The following HCLS1 variants were observed in gnomAD, a reference collection of about 807,000 sequenced individuals.
HCLS1 encodes the protein hematopoietic cell-specific Lyn substrate 1.
HCLS1 carries 44 observed loss-of-function variants against 68.6 expected under a neutral mutation model. The observed-to-expected ratio is 0.64, with a 90% confidence interval of 0.50 to 0.82. The LOEUF (loss-of-function observed/expected upper bound fraction) is 0.82, where lower values mean the gene tolerates loss of function less well. HCLS1 is among the 40% of genes least tolerant of loss of function. HCLS1 has a pLI of 0.00. For missense variants in HCLS1, 602 were observed against 612.1 expected, an observed-to-expected ratio of 0.98 and a Z score of 0.17; for synonymous variants, 217 against 225.8, an observed-to-expected ratio of 0.96 and a Z score of 0.35.
chr3:121,651,799 A>G (rs1937756797), intron 3 of HCLS1, among the ~76,000 whole-genome samples: 1 of 152,248 alleles, frequency 6.6e-6, no homozygotes, highest in African/African-American at 2.4e-5. Flanking sequence ...GTAGGAATGA[A>G]AGAGGGTAAA....
chr3:121,651,548 T>G (rs1051347897), intron 3 of HCLS1, among the ~76,000 whole-genome samples: 2 of 152,176 alleles, frequency 1.3e-5, no homozygotes, highest in African/African-American at 4.8e-5. Context: ...GTGCTTCTCC[T>G]GCCTCAGCCT....
intron 3 of HCLS1, among the ~76,000 whole-genome samples, chr3:121,651,577 C>G (rs1334646597): frequency 2.6e-5 from 4 of 152,086 alleles, no homozygotes; most frequent in Non-Finnish European, 5.9e-5. Context: ...GCTCAGACCA[C>G]AGCCAGCCAA....
intron 11 of HCLS1, among the ~76,000 whole-genome samples, 155 bp downstream of exon 11, chr3:121,632,912 C>T (rs2049113995): frequency 6.6e-6 from 1 of 152,142 alleles, no homozygotes; most frequent in African/African-American, 2.4e-5. Flanking sequence ...TACTAGTTTG[C>T]CCAGGACAGA....
intron 3 of HCLS1, chr3:121,656,179 G>A (rs541098308): frequency 1.3e-5 from 2 of 152,198 alleles, no homozygotes; most frequent in South Asian, 4.1e-4. Context: ...AAACAATGTG[G>A]TATTGTCATC....
intron 4 of HCLS1, 47 bp downstream of exon 4, chr3:121,647,272 C>A (rs1163994779): frequency 1.2e-6 from 2 of 1,604,560 alleles, no homozygotes; most frequent in Admixed American, 1.7e-5. Context: ...TGAGCCACCG[C>A]ACCCGGCTTG....
chr3:121,635,188 C>CTCTTTCTTTCTTT (rs1252824198), intron 9 of HCLS1, among the ~76,000 whole-genome samples: 2 of 151,692 alleles, frequency 1.3e-5, no homozygotes, highest in Non-Finnish European at 2.9e-5. Flanking sequence ...TTGACTTTCT[C>CTCTTTCTTTCTTT]TCTTTCTTTC....
At chr3:121,633,952 T>A (rs562410902) in intron 10 of HCLS1, among the ~76,000 whole-genome samples, 10 of 152,234 alleles carry the variant, frequency 6.6e-5, no homozygotes, top group Non-Finnish European at 1.5e-4. Context: ...TTCCTCATAG[T>A]TCCTACAGCA....
chr3:121,646,410 A>ATAAT, intron 4 of HCLS1, among the ~76,000 whole-genome samples: 1 of 91,734 alleles, frequency 1.1e-5, no homozygotes, highest in African/African-American at 4.3e-5. Flanking sequence ...TATATTACAT[A>ATAAT]GTAATAATAT....
chr3:121,632,995 C>A, intron 11 of HCLS1, 72 bp downstream of exon 11: 2 of 1,064,146 alleles, frequency 1.9e-6, no homozygotes, highest in South Asian at 1.4e-5. Flanking sequence ...TGGTTGGCCA[C>A]CCTGCACAGC....
intron 6 of HCLS1, among the ~76,000 whole-genome samples, chr3:121,641,129 A>G (rs1395183358): frequency 6.6e-6 from 1 of 152,168 alleles, no homozygotes; most frequent in Non-Finnish European, 1.5e-5. Flanking sequence ...CATATAGGAT[A>G]ATAAAAGTAG....
intron 3 of HCLS1, among the ~76,000 whole-genome samples, chr3:121,653,098 A>G (rs1937786444): frequency 6.6e-6 from 1 of 152,190 alleles, no homozygotes; most frequent in Non-Finnish European, 1.5e-5. Flanking sequence ...ACCCATGTGT[A>G]AACAGGAAAT....
chr3:121,634,645 T>TC (rs1436921325), intron 9 of HCLS1, among the ~76,000 whole-genome samples: 2 of 151,328 alleles, frequency 1.3e-5, no homozygotes, highest in East Asian at 3.9e-4. Context: ...ACTCGTGTCT[T>TC]TTTTTTTTCT....
At chr3:121,646,964 T>A (rs1937619247) in intron 4 of HCLS1, among the ~76,000 whole-genome samples, 2 of 146,340 alleles carry the variant, frequency 1.4e-5, no homozygotes, top group African/African-American at 5.0e-5. Flanking sequence ...TTTTTTAATG[T>A]ATTATTTATT....
At position 121,641,870 on chromosome 3, in the gene HCLS1, A is replaced by G. The variant is rs2049202625; in HGVS notation, c.454+1057T>C. 2.6e-5 allele frequency among the ~76,000 whole-genome samples: 4 copies of G among 152,156 alleles called. No homozygotes were observed. In the South Asian group the frequency reaches 8.3e-4, roughly 32 times the overall value. ...GCCGAGGCAGGCAGATCACGAGGTC[A>G]GAAGATCGAGACCATCCTGGCTAAC... On this transcript the variant is annotated intron_variant, in intron 6 of 13. Coordinates refer to ENST00000314583, the MANE Select transcript of HCLS1 (RefSeq NM_005335.6).
intron 6 of HCLS1, among the ~76,000 whole-genome samples, chr3:121,639,168 A>C (rs145951531): frequency 1.3e-5 from 2 of 152,230 alleles, no homozygotes; most frequent in Non-Finnish European, 2.9e-5. Flanking sequence ...GGCAAAAACG[A>C]ATCAGTAAAA....
rs538065654 is a variant in HCLS1, at chr3:121,640,927, T to C, written c.454+2000A>G. Among the ~76,000 whole-genome samples the C allele has an allele frequency of 2.0e-5, 3 of 151,516 alleles. No individual in the cohort carries two copies. The South Asian group carries it at 6.3e-4, about 32-fold the overall frequency. On this transcript the variant is annotated intron_variant, in intron 6 of 13. Transcript: ENST00000314583. ...ATTTGAAAGAAAGTTTAAAATGCAA[T>C]GGACAGCTTAAACAATAATGAAATA...
Position 121,634,299 on chromosome 3 carries a change from C to T in HCLS1, c.811G>A (p.Val271Met), listed in dbSNP as rs765792319. Residue 271 changes from valine (V) to methionine (M), a missense_variant, in exon 10 of 14, where the codon GTG becomes ATG. Transcript: ENST00000314583. ...GGAGCCTCAGGGCTCCTCTTTGTCA[C>T]AGCCTTTCGCTCCTGTTGCCTCCTG... Reference protein sequence around the residue: ...VARRQQERKAVTKRSPEAPQP... With the variant: ...VARRQQERKAMTKRSPEAPQP... 1 of 1,614,096 alleles carries T rather than the reference C, an allele frequency of 6.2e-7. No individual in the cohort carries two copies. The highest frequency in any genetic ancestry group is 1.3e-5 in the African/African-American group (1 of 74,928).
chr3:121,657,278 C>T lies in HCLS1; in HGVS notation c.158+1G>A. 5 of 1,613,550 alleles carry T rather than the reference C, an allele frequency of 3.1e-6. No individual in the cohort carries two copies. Among genetic ancestry groups the T allele is most frequent in the Non-Finnish European group, 4.2e-6 (5 of 1,179,568 alleles). Reference sequence around the variant, plus strand: ...TTTTCTCCAGTCCTTTCGGCACCTACTTGATGTGTTCTGTGCGTCCAGACC... The same window carrying T: ...TTTTCTCCAGTCCTTTCGGCACCTATTTGATGTGTTCTGTGCGTCCAGACC... On this transcript the variant is annotated splice_donor_variant, in intron 3 of 13. Coordinates refer to ENST00000314583, the MANE Select transcript of HCLS1 (RefSeq NM_005335.6). LOFTEE classifies it high-confidence loss of function.
At chr3:121,641,867 G>A (rs1231778243) in intron 6 of HCLS1, among the ~76,000 whole-genome samples, 2 of 151,970 alleles carry the variant, frequency 1.3e-5, no homozygotes, top group Non-Finnish European at 2.9e-5. Context: ...AGATCACGAG[G>A]TCAGAAGATC....
Sources: allele counts gnomAD v4.1 joint callset (sites outside exome capture counted in the v4.1 genomes callset), GRCh38; gene constraint gnomAD v4.1.1; transcripts MANE v1.5; gene names NCBI Gene and HGNC (gene_info 2026-07-23, HGNC 2026-07-21).